PPFIBP2: variants seen among roughly 807,000 people sequenced by gnomAD.
The protein encoded by PPFIBP2 is liprin-beta-2.
Under a neutral mutation model 118.3 loss-of-function variants are expected in PPFIBP2, and 118 were observed. The observed-to-expected ratio is 1.00, with a 90% CI of 0.86 to 1.16. PPFIBP2 has a LOEUF of 1.16. PPFIBP2 is among the 50% of genes most tolerant of loss of function. The pLI is 0.00. For missense variants in PPFIBP2, 1,195 were observed against 1,073.1 expected (o/e 1.11, Z -1.59); for synonymous variants, 414 against 397.4 (o/e 1.04, Z -0.50).
chr11:7,655,401 G>A, downstream of PPFIBP2: 2 of 1,285,060 alleles, frequency 1.6e-6, no homozygotes, highest in Admixed American at 2.3e-5. Context: ...CTGCATCCAT[G>A]TGTGCTGACC....
downstream of PPFIBP2, among the ~76,000 whole-genome samples, chr11:7,659,231 C>T (rs1854837916): frequency 6.7e-6 from 1 of 149,190 alleles, no homozygotes; most frequent in East Asian, 2.0e-4. Context: ...TGCCTATGTC[C>T]TGAATGGTAA....
intron 17 of PPFIBP2, among the ~76,000 whole-genome samples, chr11:7,646,102 A>G (rs2135956767): frequency 6.6e-6 from 1 of 152,340 alleles, no homozygotes; most frequent in South Asian, 2.1e-4. Context: ...GTAGCCCTCT[A>G]GATTGTTGTT....
At chr11:7,617,230 C>T (rs1848760510) in intron 6 of PPFIBP2, 1 of 985,422 alleles carries the variant, frequency 1.0e-6, no homozygotes, top group Non-Finnish European at 1.2e-6. Flanking sequence ...GAGGTGGCGG[C>T]CAGCGACGGT....
chr11:7,619,547 G>T (rs886722428), intron 6 of PPFIBP2, among the ~76,000 whole-genome samples: 3 of 152,196 alleles, frequency 2.0e-5, no homozygotes, highest in African/African-American at 7.2e-5. Flanking sequence ...CAGATGCCAT[G>T]GGGTCAGTTG....
Position 7,630,944 on chromosome 11 carries a change from CTCAA to C in PPFIBP2, c.990_993del (p.Ile330MetfsTer58), listed in dbSNP as rs1850677731. The C allele has an allele frequency of 6.2e-7, 1 of 1,614,060 alleles. No individual in the cohort carries two copies. The highest frequency in any genetic ancestry group is 8.5e-7 in the Non-Finnish European group (1 of 1,179,934). On this transcript the variant is annotated frameshift_variant, in exon 11 of 24. Transcript: ENST00000299492. LOFTEE classifies it high-confidence loss of function. ...TTGCAGGGCCTTCGGAGAGAACTCT[CTCAA>C]TCAATGAAGAAGAACCGGAGGGAGG...
intron 17 of PPFIBP2, chr11:7,648,167 A>G (rs2135981244): frequency 6.0e-6 from 3 of 497,716 alleles, no homozygotes; most frequent in East Asian, 6.7e-5. Context: ...GAGATTTGAA[A>G]TTCAGATCTT....
chr11:7,559,028 T>A lies in PPFIBP2; in HGVS notation c.65-6525T>A, dbSNP rs542375969. 5.9e-5 allele frequency among the ~76,000 whole-genome samples: 9 copies of A among 152,108 alleles called. No homozygotes were observed. In the South Asian group the frequency reaches 1.9e-3, roughly 32 times the overall value. ...ACACCTCAGACCAATTAAATTAGAA[T>A]CCCTGGAGGAGGGCCCAGGCATCTG... On this transcript the variant is annotated intron_variant, in intron 2 of 23. Transcript: ENST00000299492.
chr11:7,640,991 T>C (rs1852103183), intron 15 of PPFIBP2: 1 of 1,245,454 alleles, frequency 8.0e-7, no homozygotes, highest in Non-Finnish European at 1.1e-6. Context: ...TTGGCCTCTC[T>C]TGTTTCTTCA....
At chr11:7,648,172 GA>G (rs1304470541) in intron 17 of PPFIBP2, 1 of 514,578 alleles carries the variant, frequency 1.9e-6, no homozygotes, top group East Asian at 3.3e-5. Flanking sequence ...TTGAAATTCA[GA>G]TCTTGTGTTA....
intron 3 of PPFIBP2, among the ~76,000 whole-genome samples, chr11:7,583,081 C>T (rs934420660): frequency 6.6e-6 from 1 of 152,196 alleles, no homozygotes; most frequent in African/African-American, 2.4e-5. Flanking sequence ...TTAGCCTGCT[C>T]GTTCATCTCT....
intron 1 of PPFIBP2, among the ~76,000 whole-genome samples, chr11:7,536,643 C>A (rs1851250206): frequency 6.6e-6 from 1 of 152,044 alleles, no homozygotes; most frequent in African/African-American, 2.4e-5. Context: ...GGGAGTCTGA[C>A]ACGAAGAAAC....
intron 1 of PPFIBP2, among the ~76,000 whole-genome samples, chr11:7,540,689 C>A (rs1165519050): frequency 6.6e-6 from 1 of 152,122 alleles, no homozygotes; most frequent in Non-Finnish European, 1.5e-5. Flanking sequence ...AATGGGGGAC[C>A]CCACAGGGAC....
chr11:7,602,458 C>T (rs1026659922), intron 5 of PPFIBP2, among the ~76,000 whole-genome samples: 4 of 152,136 alleles, frequency 2.6e-5, no homozygotes, highest in Non-Finnish European at 4.4e-5. Flanking sequence ...TCACTGGGGT[C>T]TAGTAGGTTC....
rs563812059 is a variant in PPFIBP2, at chr11:7,624,086, C to T, written c.712-1691C>T. The stretch of plus-strand genomic sequence containing the variant: ...TCTCTTTATATGGTCATCCCTGTCC[C>T]ATTTGGGGGATGTTAGGGAAGGTTA... On this transcript the variant is annotated intron_variant, in intron 7 of 23. Coordinates refer to ENST00000299492, the MANE Select transcript of PPFIBP2 (RefSeq NM_003621.5). 5.3e-5 allele frequency among the ~76,000 whole-genome samples: 8 copies of T among 152,286 alleles called. No individual in the cohort carries two copies. The South Asian group carries it at 1.7e-3, about 32-fold the overall frequency.
At chr11:7,533,487 A>G (rs553316237) in intron 1 of PPFIBP2, among the ~76,000 whole-genome samples, 1 of 152,348 alleles carries the variant, frequency 6.6e-6, no homozygotes, top group East Asian at 1.9e-4. Context: ...GCTCTCTAGC[A>G]GTTAATCTAG....
At chr11:7,657,938 T>G (rs12805830), downstream of PPFIBP2, among the ~76,000 whole-genome samples, 2 of 152,116 alleles carry the variant, frequency 1.3e-5, no homozygotes, top group African/African-American at 4.8e-5. Context: ...CAAGGAGATC[T>G]GTGCTCCTAA....
At chr11:7,558,745 C>T (rs1853946975) in intron 2 of PPFIBP2, among the ~76,000 whole-genome samples, 1 of 150,848 alleles carries the variant, frequency 6.6e-6, no homozygotes, top group African/African-American at 2.4e-5. Context: ...AACAGAGCAA[C>T]TCTGTCTCAA....
intron 4 of PPFIBP2, among the ~76,000 whole-genome samples, chr11:7,596,745 C>T (rs1274829226): frequency 6.6e-6 from 1 of 152,140 alleles, no homozygotes; most frequent in Non-Finnish European, 1.5e-5. Context: ...GGAGGACACT[C>T]ATTCTCTCTC....
At chr11:7,643,586 ATTG>A (rs1334805419) in intron 17 of PPFIBP2, among the ~76,000 whole-genome samples, 1 of 152,212 alleles carries the variant, frequency 6.6e-6, no homozygotes, top group African/African-American at 2.4e-5. Flanking sequence ...TCCTGATGAG[ATTG>A]TTATGTTTAT....
Sources: allele counts gnomAD v4.1 joint callset (sites outside exome capture counted in the v4.1 genomes callset), GRCh38; gene constraint gnomAD v4.1.1; transcripts MANE v1.5; gene names NCBI Gene and HGNC (gene_info 2026-07-23, HGNC 2026-07-21).